Variants in UNC5B observed in about 807,000 individuals in gnomAD.
The protein encoded by UNC5B is unc-5 netrin receptor B, also known as netrin receptor UNC5B.
A neutral mutation model predicts 103.7 loss-of-function variants in UNC5B; 56 were observed. The ratio of observed to expected loss-of-function variants is 0.54; its 90% CI spans 0.44 to 0.67. The LOEUF (loss-of-function observed/expected upper bound fraction) is 0.67, where lower values mean the gene tolerates loss of function less well. Ranked by LOEUF, UNC5B falls within the 30% of genes least tolerant of loss-of-function variation. The pLI, the probability that UNC5B is intolerant of heterozygous loss-of-function variation, is 0.00. For synonymous variants in UNC5B, 577 were observed against 542.0 expected (o/e 1.06, Z -0.90); for missense variants, 1,194 against 1,284.5 (o/e 0.93, Z 1.08).
intron 1 of UNC5B, among the ~76,000 whole-genome samples, chr10:71,256,956 C>T (rs1158907744): frequency 1.3e-5 from 2 of 152,142 alleles, no homozygotes. Flanking sequence ...GGAGGGTGAG[C>T]ACAGAGCAGG....
At chr10:71,248,181 A>G (rs1252328617) in intron 1 of UNC5B, among the ~76,000 whole-genome samples, 1 of 152,128 alleles carries the variant, frequency 6.6e-6, no homozygotes, top group Non-Finnish European at 1.5e-5. Flanking sequence ...CTTTGATAGC[A>G]GTCTTGGGGC....
chr10:71,251,687 A>T lies in UNC5B; in HGVS notation c.80-28134A>T, dbSNP rs143967532. On this transcript the variant is annotated intron_variant, in intron 1 of 16. Transcript: ENST00000335350. ...GTATACATGGTTCCTGCAAAGACCC[A>T]GAAGGGGTCTTCTCGGTCCATATCT... Among the ~76,000 whole-genome samples the T allele has an allele frequency of 1.9e-3, 294 of 152,360 alleles. 1 individual carries two copies. Among genetic ancestry groups the T allele is most frequent in the African/African-American group, 6.5e-3 (271 of 41,580 alleles).
intron 1 of UNC5B, among the ~76,000 whole-genome samples, chr10:71,278,823 G>A (rs1589188600): frequency 6.6e-6 from 1 of 152,382 alleles, no homozygotes; most frequent in Middle Eastern, 3.4e-3. Context: ...GTTAGCAGAA[G>A]AGGACAAGCC....
At chr10:71,233,326 G>T (rs1939945022) in intron 1 of UNC5B, among the ~76,000 whole-genome samples, 1 of 152,142 alleles carries the variant, frequency 6.6e-6, no homozygotes, top group Non-Finnish European at 1.5e-5. Flanking sequence ...CCCATCACGG[G>T]GTCCACAGTA....
rs374428164 is a variant in UNC5B, at chr10:71,288,702, A to C, written c.1036A>C (p.Lys346Gln). Residue 346 changes from lysine to glutamine, a missense_variant, in exon 7 of 17, where the codon AAG (lysine) becomes CAG (glutamine). By Grantham distance (53) the Lys-to-Gln change is moderately conservative (BLOSUM62 1). Coordinates refer to ENST00000335350, the MANE Select transcript of UNC5B (RefSeq NM_170744.5). ...RDCSGTLLDSKNCTDGLCMQN... is the reference protein window; with the variant it reads ...RDCSGTLLDSQNCTDGLCMQN... ...CTGCAGCGGGACGCTGCTCGACTCT[A>C]AGAACTGCACAGATGGGCTGTGCAT... The C allele has an allele frequency of 6.2e-7, 1 of 1,613,436 alleles. No homozygotes were observed. Among genetic ancestry groups the C allele is most frequent in the African/African-American group, 1.3e-5 (1 of 74,924 alleles).
intron 1 of UNC5B, among the ~76,000 whole-genome samples, chr10:71,267,678 G>GTGAA (rs145258342): frequency 0.017 from 2,626 of 152,284 alleles, 63 homozygotes; most frequent in African/African-American, 0.058. Flanking sequence ...TGATGAATGA[G>GTGAA]TGAATGAATG....
At chr10:71,292,010 C>T (rs1204383451) in intron 10 of UNC5B, among the ~76,000 whole-genome samples, 189 bp downstream of exon 10, 1 of 152,206 alleles carries the variant, frequency 6.6e-6, no homozygotes, top group Non-Finnish European at 1.5e-5. Context: ...TCAAGCCTGC[C>T]TATGCCCTCA....
rs752817164 is a variant in UNC5B at position 71,286,669 on chromosome 10, C to T, written c.553-20C>T. 7.4e-6 allele frequency: 12 copies of T among 1,613,516 alleles called. No individual in the cohort carries two copies. The highest frequency in any genetic ancestry group is 7.6e-6 in the Non-Finnish European group (9 of 1,179,666). On this transcript the variant is annotated intron_variant, in intron 4 of 16. Coordinates refer to ENST00000335350, the MANE Select transcript of UNC5B (RefSeq NM_170744.5). ...AACCTGTCCTGGGCCCTCACTGCCC[C>T]CTCACCCCCACTCTTGCAGGTGGAA... is the stretch of plus-strand genomic sequence containing the variant.
At chr10:71,249,348 A>G (rs1564715967) in intron 1 of UNC5B, among the ~76,000 whole-genome samples, 3 of 152,220 alleles carry the variant, frequency 2.0e-5, no homozygotes, top group Admixed American at 6.5e-5. Flanking sequence ...GGGATTGCCA[A>G]TTCCTGGCTG....
intron 1 of UNC5B, among the ~76,000 whole-genome samples, chr10:71,267,781 C>T (rs755359683): frequency 5.3e-5 from 8 of 152,244 alleles, no homozygotes; most frequent in Non-Finnish European, 8.8e-5. Context: ...GCCAGTGCCA[C>T]CTGTCTCCCC....
At chr10:71,251,868 A>T (rs1486319246) in intron 1 of UNC5B, among the ~76,000 whole-genome samples, 1 of 152,152 alleles carries the variant, frequency 6.6e-6, no homozygotes, top group Non-Finnish European at 1.5e-5. Flanking sequence ...CAGGCTGGAG[A>T]TGTATACCTC....
intron 8 of UNC5B, among the ~76,000 whole-genome samples, chr10:71,289,306 C>A (rs1305585789): frequency 6.6e-6 from 1 of 152,206 alleles, no homozygotes; most frequent in Admixed American, 6.5e-5. Context: ...AAGATTTGAA[C>A]CCAAATATTT....
At chr10:71,294,495 G>A (rs1845356742) in intron 13 of UNC5B, among the ~76,000 whole-genome samples, 1 of 152,050 alleles carries the variant, frequency 6.6e-6, no homozygotes, top group Non-Finnish European at 1.5e-5. Flanking sequence ...AGCCCCTGTG[G>A]CTATACTTGG....
chr10:71,297,757 C>T (rs1194739625), intron 15 of UNC5B, 152 bp from the exon 16 acceptor site: 1 of 885,822 alleles, frequency 1.1e-6, no homozygotes, highest in East Asian at 2.9e-5. Flanking sequence ...ACCGACCCTT[C>T]AAGGGAGAAG....
At chr10:71,251,469 G>A (rs1844170053) in intron 1 of UNC5B, among the ~76,000 whole-genome samples, 1 of 152,162 alleles carries the variant, frequency 6.6e-6, no homozygotes, top group Admixed American at 6.5e-5. Context: ...CAGACTTGCA[G>A]GCCCCAGAGC....
rs537829505 is a variant in UNC5B at position 71,238,841 on chromosome 10, G to A, written c.79+25777G>A. Among the ~76,000 whole-genome samples the A allele has an allele frequency of 9.2e-5, 14 of 152,212 alleles. No individual in the cohort carries two copies. In the South Asian group the frequency reaches 1.7e-3, roughly 18 times the overall value. On this transcript the variant is annotated intron_variant, in intron 1 of 16. Transcript: ENST00000335350. ...GTTATCCAGGCTTGAGTGCAATGGC[G>A]CAATCATAGCTCACTGCAGCCTCGA...
At chr10:71,283,513 A>C (rs111749579) in intron 2 of UNC5B, among the ~76,000 whole-genome samples, 4 of 152,314 alleles carry the variant, frequency 2.6e-5, no homozygotes, top group African/African-American at 9.6e-5. Flanking sequence ...CCACCATGCC[A>C]CCGGCTGTGC....
At chr10:71,223,648 G>A (rs1427464054) in intron 1 of UNC5B, among the ~76,000 whole-genome samples, 1 of 152,074 alleles carries the variant, frequency 6.6e-6, no homozygotes, top group Non-Finnish European at 1.5e-5. Flanking sequence ...ACACTTGCTG[G>A]GCTGGTAAAT....
At chr10:71,237,956 T>C (rs1489666963) in intron 1 of UNC5B, among the ~76,000 whole-genome samples, 5 of 152,028 alleles carry the variant, frequency 3.3e-5, no homozygotes, top group Non-Finnish European at 5.9e-5. Context: ...AGGCAGGTAA[T>C]TGGGGATCAA....
Sources: gnomAD v4.1 joint callset for allele counts (sites outside exome capture counted in the v4.1 genomes callset) on GRCh38, gnomAD v4.1.1 for gene constraint, MANE v1.5 for transcripts, NCBI Gene and HGNC (gene_info 2026-07-23, HGNC 2026-07-21) for gene names.